The following ZBTB21 variants were observed in gnomAD, a reference collection of about 807,000 sequenced individuals.
The protein encoded by ZBTB21 is zinc finger and BTB domain containing 21.
A neutral mutation model predicts 39.8 loss-of-function variants in ZBTB21; 10 were observed. That is an observed-to-expected ratio of 0.25 (90% CI 0.16 to 0.43). ZBTB21 has a LOEUF of 0.43. Among genes scored for constraint, ZBTB21 ranks in the 20% least tolerant of loss-of-function variants. The pLI, the probability that ZBTB21 is intolerant of heterozygous loss-of-function variation, is 1.00. For missense variants in ZBTB21, 1,221 were observed against 1,296.3 expected (o/e 0.94, Z 0.89); for synonymous variants, 551 against 498.8 (o/e 1.10, Z -1.40).
In ZBTB21 at chr21:41,991,808, T is replaced by C; in HGVS notation, c.2288A>G (p.Lys763Arg). ...CTCACACTTGCTCTCGTGTTCTTGCTTCAGCTCGGGCGAGAAAAACCTGAG... is the reference window on the plus strand; with the variant it reads ...CTCACACTTGCTCTCGTGTTCTTGCCTCAGCTCGGGCGAGAAAAACCTGAG... ...CSLRFFSPEL[K>R]QEHESKCEYK... The change falls in exon 3 of 3, where the codon AAG becomes AGG. Residue 763 changes from lysine to arginine, a missense_variant. Transcript: ENST00000310826. The surrounding 1 kb of genome is among the most constrained non-coding windows in gnomAD (Gnocchi z 4.9). 1 of 1,614,214 alleles carries C rather than the reference T, an allele frequency of 6.2e-7. No homozygotes were observed. Among genetic ancestry groups the C allele is most frequent in the Non-Finnish European group, 8.5e-7 (1 of 1,180,034 alleles).
At position 41,991,308 on chromosome 21, in the gene ZBTB21, G is replaced by C; in HGVS notation, c.2788C>G (p.Leu930Val). 6.2e-7 allele frequency: 1 copy of C among 1,612,148 alleles called. No homozygotes were observed. Among genetic ancestry groups the C allele is most frequent in the Non-Finnish European group, 8.5e-7 (1 of 1,178,858 alleles). ...ATAAATGGTTTCACAGAGCACAGAAGCTCCTGGTGACGCTCCAGCTGCTTA... is the reference window on the plus strand; with the variant it reads ...ATAAATGGTTTCACAGAGCACAGAACCTCCTGGTGACGCTCCAGCTGCTTA... Reference protein sequence around the residue: ...VHKQLERHQELLCSVKPFICH... With the variant: ...VHKQLERHQEVLCSVKPFICH... The change falls in exon 3 of 3, where the codon CTT becomes GTT. Residue 930 changes from leucine (L) to valine (V), a missense_variant. By Grantham distance (32) the Leu-to-Val change is conservative. Coordinates refer to ENST00000310826, the MANE Select transcript of ZBTB21 (RefSeq NM_001098402.2). The surrounding 1 kb of genome is among the most constrained non-coding windows in gnomAD (Gnocchi z 4.9).
chr21:42,009,840 C>A (rs894389479), intron 1 of ZBTB21, among the ~76,000 whole-genome samples: 10 of 152,138 alleles, frequency 6.6e-5, no homozygotes, highest in African/African-American at 2.2e-4. Flanking sequence ...AACCCCTGCC[C>A]GGAACAGGAG....
intron 2 of ZBTB21, among the ~76,000 whole-genome samples, chr21:41,998,065 A>G (rs1050180349): frequency 6.6e-6 from 1 of 152,174 alleles, no homozygotes; most frequent in Non-Finnish European, 1.5e-5. Context: ...AGTATCAAAG[A>G]AAGTGGGCAG....
chr21:41,998,467 AG>A, intron 2 of ZBTB21, among the ~76,000 whole-genome samples: 1 of 152,372 alleles, frequency 6.6e-6, no homozygotes, highest in South Asian at 2.1e-4. Context: ...CTGGGATTAC[AG>A]GTGTGAGCCA....
intron 1 of ZBTB21, chr21:42,009,323 C>G (rs2146360903): frequency 6.6e-6 from 1 of 152,328 alleles, no homozygotes; most frequent in Middle Eastern, 3.4e-3. Context: ...CAGCGGTGTG[C>G]TGGGATGGAA....
chr21:42,006,428 CA>C (rs11325246), intron 1 of ZBTB21, among the ~76,000 whole-genome samples: 52,007 of 134,974 alleles, frequency 0.39, 11,091 homozygotes, highest in African/African-American at 0.61. Context: ...AACTCCGTCT[CA>C]AAAAAAAAAA....
At position 41,993,335 on chromosome 21, in the gene ZBTB21, T is replaced by C. The variant is rs565812774; in HGVS notation, c.761A>G (p.Asp254Gly). Residue 254 changes from aspartate (D) to glycine (G), a missense_variant, in exon 3 of 3, where the codon GAT (aspartate) becomes GGT (glycine). Physicochemically the swap from Asp to Gly is moderately conservative, Grantham distance 94 (BLOSUM62 -1). Coordinates refer to ENST00000310826, the MANE Select transcript of ZBTB21 (RefSeq NM_001098402.2). ...KPLQDREAMD[D>G]KPGVSGQLPK... ...AAGCTGACCACTCACACCTGGTTTA[T>C]CATCCATAGCTTCTCTGTCTTGCAG... 9.9e-6 allele frequency: 16 copies of C among 1,613,650 alleles called. No individual in the cohort carries two copies. In the South Asian group the frequency reaches 1.5e-4, roughly 16 times the overall value.
intron 2 of ZBTB21, among the ~76,000 whole-genome samples, chr21:42,000,432 C>T (rs1397828982): frequency 2.0e-5 from 3 of 152,140 alleles, no homozygotes; most frequent in Non-Finnish European, 4.4e-5. Context: ...AAACAGAACT[C>T]GAAGCACAGG....
At position 41,991,751 on chromosome 21, in the gene ZBTB21, C is replaced by T. The variant is rs1252017088; in HGVS notation, c.2345G>A (p.Arg782His). ...YKKLTCLECM[R>H]TFKSSFSIWR... Reference sequence around the variant, plus strand: ...GATGCTGAAAGAGGACTTGAAGGTGCGCATGCACTCGAGGCAGGTCAGCTT... The same window carrying T: ...GATGCTGAAAGAGGACTTGAAGGTGTGCATGCACTCGAGGCAGGTCAGCTT... The change falls in exon 3 of 3, where the codon CGC becomes CAC. Residue 782 changes from arginine (R) to histidine (H), a missense_variant. Transcript: ENST00000310826. This position sits in a 1 kb window ranked among gnomAD's most constrained non-coding sequence, Gnocchi z 4.9. The T allele has an allele frequency of 5.0e-6, 8 of 1,614,150 alleles. No homozygotes were observed. The highest frequency in any genetic ancestry group is 2.2e-5 in the East Asian group (1 of 44,878).
At position 41,993,362 on chromosome 21, in the gene ZBTB21, G is replaced by A. The variant is rs1569106160; in HGVS notation, c.734C>T (p.Pro245Leu). The A allele has an allele frequency of 6.2e-7, 1 of 1,614,012 alleles. No individual in the cohort carries two copies. The highest frequency in any genetic ancestry group is 2.2e-5 in the East Asian group (1 of 44,886). ...ATCCATAGCTTCTCTGTCTTGCAGA[G>A]GCTTTGAAGGCAACACTGCATTTCT... is the stretch of plus-strand genomic sequence containing the variant. ...VKRNAVLPSK[P>L]LQDREAMDDK... Residue 245 changes from proline to leucine, a missense_variant, in exon 3 of 3, where the codon CCT (proline) becomes CTT (leucine). Transcript: ENST00000310826.
At chr21:42,004,642 T>C (rs1027417328) in intron 1 of ZBTB21, among the ~76,000 whole-genome samples, 1 of 152,190 alleles carries the variant, frequency 6.6e-6, no homozygotes, top group African/African-American at 2.4e-5. Flanking sequence ...GGAAAATGGC[T>C]CTTTACATCC....
chr21:41,987,712 CACAT>C lies in ZBTB21; in HGVS notation c.*3179_*3182del, dbSNP rs2065596663. The C allele has an allele frequency of 6.6e-6, 1 of 151,832 alleles. No homozygotes were observed. The highest frequency in any genetic ancestry group is 1.5e-5 in the Non-Finnish European group (1 of 67,888). The allele number at this position is 151,832 out of a possible 1,614,324, so 9.4% of individuals were successfully genotyped here. On this transcript the variant is annotated 3_prime_UTR_variant, in exon 3 of 3. Coordinates refer to ENST00000310826, the MANE Select transcript of ZBTB21 (RefSeq NM_001098402.2). ...AAGTTCCAGATTACAGTTGTATACA[CACAT>C]GCATGCATGTGTGTACAAACCCAAT...
At position 41,991,349 on chromosome 21, in the gene ZBTB21, T is replaced by C; in HGVS notation, c.2747A>G (p.Lys916Arg). 1.2e-6 allele frequency: 2 copies of C among 1,606,256 alleles called. No homozygotes were observed. The highest frequency in any genetic ancestry group is 8.5e-7 in the Non-Finnish European group (1 of 1,175,850). The change falls in exon 3 of 3, where the codon AAG (lysine) becomes AGG (arginine). Residue 916 changes from lysine to arginine, a missense_variant. Lys to Arg is a conservative substitution (Grantham distance 26, BLOSUM62 2). Around this residue, in one of 4 missense-constraint regions of ZBTB21, gnomAD observed 523 missense variants for 542.5 expected, o/e 0.96. Coordinates refer to ENST00000310826, the MANE Select transcript of ZBTB21 (RefSeq NM_001098402.2). This position sits in a 1 kb window ranked among gnomAD's most constrained non-coding sequence, Gnocchi z 4.9. Reference protein sequence around the residue: ...ASLWPCEKCGKMFTVHKQLER... With the variant: ...ASLWPCEKCGRMFTVHKQLER... ...CAGCTGCTTATGCACCGTGAACATCTTCCCACACTTCTCGCAGGGCCACAG... is the reference window on the plus strand; with the variant it reads ...CAGCTGCTTATGCACCGTGAACATCCTCCCACACTTCTCGCAGGGCCACAG...
chr21:42,003,730 A>G (rs529456647), intron 1 of ZBTB21, among the ~76,000 whole-genome samples: 1 of 152,168 alleles, frequency 6.6e-6, no homozygotes, highest in Non-Finnish European at 1.5e-5. Flanking sequence ...AATCTGAAAC[A>G]CTTCTGGTCC....
chr21:41,992,838 C>T lies in ZBTB21; in HGVS notation c.1258G>A (p.Gly420Arg), dbSNP rs986050311. The change falls in exon 3 of 3, where the codon GGA becomes AGA. Residue 420 changes from glycine (G) to arginine (R), a missense_variant. Physicochemically the swap from Gly to Arg is moderately radical, Grantham distance 125. Coordinates refer to ENST00000310826, the MANE Select transcript of ZBTB21 (RefSeq NM_001098402.2). The surrounding 1 kb of genome is among the most constrained non-coding windows in gnomAD (Gnocchi z 4.1). Reference sequence around the variant, plus strand: ...CGCACCTCAGTCACAGGGGAAGCTCCCTCCCTGTCTGTTGACTGAGAAGCA... The same window carrying T: ...CGCACCTCAGTCACAGGGGAAGCTCTCTCCCTGTCTGTTGACTGAGAAGCA... ...FSASQSTDREGASPVTEVRIK... is the reference protein window; with the variant it reads ...FSASQSTDRERASPVTEVRIK... The T allele has an allele frequency of 2.5e-6, 4 of 1,614,152 alleles. No homozygotes were observed. Among genetic ancestry groups the T allele is most frequent in the Non-Finnish European group, 3.4e-6 (4 of 1,180,020 alleles).
rs772900332 is a variant in ZBTB21 at position 41,993,176 on chromosome 21, A to C, written c.920T>G (p.Leu307Trp). Reference sequence around the variant, plus strand: ...TAAGCCTAACTTTGAATAGTACAACAAGTTTCTATCTTCACCTTGACCATT... The same window carrying C: ...TAAGCCTAACTTTGAATAGTACAACCAGTTTCTATCTTCACCTTGACCATT... ...KGNGQGEDRN[L>W]LYYSKLGLVI... Residue 307 changes from leucine (L) to tryptophan (W), a missense_variant, in exon 3 of 3, where the codon TTG (leucine) becomes TGG (tryptophan). Physicochemically the swap from Leu to Trp is moderately conservative, Grantham distance 61. Coordinates refer to ENST00000310826, the MANE Select transcript of ZBTB21 (RefSeq NM_001098402.2). The C allele has an allele frequency of 6.2e-7, 1 of 1,613,780 alleles. No homozygotes were observed. The highest frequency in any genetic ancestry group is 2.2e-5 in the East Asian group (1 of 44,882).
At chr21:42,000,433 G>A (rs1018541314) in intron 2 of ZBTB21, among the ~76,000 whole-genome samples, 4 of 152,070 alleles carry the variant, frequency 2.6e-5, no homozygotes, top group African/African-American at 7.2e-5. Context: ...AACAGAACTC[G>A]AAGCACAGGT....
chr21:42,005,515 A>C (rs759833688), intron 1 of ZBTB21, among the ~76,000 whole-genome samples: 9 of 152,138 alleles, frequency 5.9e-5, no homozygotes, highest in African/African-American at 9.7e-5. Context: ...TTTTCTTTTA[A>C]GTCCAAGAGC....
chr21:41,999,038 C>A (rs983712713), intron 2 of ZBTB21, among the ~76,000 whole-genome samples: 3 of 152,042 alleles, frequency 2.0e-5, no homozygotes, highest in African/African-American at 7.2e-5. Context: ...TTCTTTACAT[C>A]TATTTGTATG....
Sources: allele counts gnomAD v4.1 joint callset (sites outside exome capture counted in the v4.1 genomes callset), GRCh38; gene constraint gnomAD v4.1.1; regional missense constraint gnomAD v4.1.1; non-coding constraint Gnocchi (gnomAD v3.1); transcripts MANE v1.5; gene names NCBI Gene and HGNC (gene_info 2026-07-23, HGNC 2026-07-21).